The following NFIA variants were observed in gnomAD, a reference collection of about 807,000 sequenced individuals.
NFIA encodes the protein nuclear factor 1 A-type.
NFIA carries 8 observed loss-of-function variants against 62.8 expected under a neutral mutation model. The observed-to-expected ratio is 0.13, with a 90% confidence interval of 0.07 to 0.23. NFIA has a LOEUF of 0.23. Ranked by LOEUF, NFIA falls within the 10% of genes least tolerant of loss-of-function variation. NFIA has a pLI of 1.00. For missense variants in NFIA, 410 were observed against 642.1 expected (o/e 0.64, Z 3.91); for synonymous variants, 235 against 238.1 (o/e 0.99, Z 0.12).
At chr1:61,185,540 T>C (rs867720865) in intron 2 of NFIA, among the ~76,000 whole-genome samples, 2 of 152,308 alleles carry the variant, frequency 1.3e-5, no homozygotes, top group Middle Eastern at 3.4e-3. Flanking sequence ...TCCAATGTTT[T>C]CTTATGCATC....
intron 2 of NFIA, among the ~76,000 whole-genome samples, chr1:61,272,392 T>G (rs1408324251): frequency 6.6e-6 from 1 of 152,226 alleles, no homozygotes; most frequent in Non-Finnish European, 1.5e-5. Context: ...ATTTCTTTTA[T>G]AACTGCAGCT....
chr1:61,182,442 T>G (rs571569545), intron 2 of NFIA, among the ~76,000 whole-genome samples: 7 of 152,326 alleles, frequency 4.6e-5, no homozygotes, highest in African/African-American at 1.7e-4. Flanking sequence ...CAATTGAAAA[T>G]GAAATTGATG....
At chr1:61,212,560 G>T (rs1344620545) in intron 2 of NFIA, among the ~76,000 whole-genome samples, 1 of 152,124 alleles carries the variant, frequency 6.6e-6, no homozygotes, top group Non-Finnish European at 1.5e-5. Flanking sequence ...GAATTTTAAA[G>T]AAGCTCATTT....
chr1:61,085,185 G>A (rs1210415816), intron 1 of NFIA, among the ~76,000 whole-genome samples: 2 of 151,586 alleles, frequency 1.3e-5, no homozygotes, highest in Non-Finnish European at 2.9e-5. Flanking sequence ...TTAACTTGTA[G>A]GCAATTTAAA....
intron 2 of NFIA, among the ~76,000 whole-genome samples, chr1:61,098,388 A>G (rs1395211316): frequency 6.6e-6 from 1 of 152,216 alleles, no homozygotes; most frequent in Non-Finnish European, 1.5e-5. Context: ...TATGACTATG[A>G]CAAGATTTTT....
At chr1:61,155,716 C>G (rs923502209) in intron 2 of NFIA, among the ~76,000 whole-genome samples, 1 of 148,242 alleles carries the variant, frequency 6.7e-6, no homozygotes, top group African/African-American at 2.5e-5. Context: ...TGAAATTTTT[C>G]TCTTACATTT....
intron 3 of NFIA, among the ~76,000 whole-genome samples, chr1:61,304,915 T>C (rs1359941845): frequency 6.6e-6 from 1 of 152,168 alleles, no homozygotes; most frequent in Non-Finnish European, 1.5e-5. Context: ...GGAATAGTAA[T>C]AGTGCTTGTC....
chr1:61,181,691 C>CT (rs1650772659), intron 2 of NFIA, among the ~76,000 whole-genome samples: 1 of 152,026 alleles, frequency 6.6e-6, no homozygotes. Context: ...TGTGGAATGT[C>CT]TTGATAATTT....
At chr1:61,161,617 A>G (rs1649211870) in intron 2 of NFIA, among the ~76,000 whole-genome samples, 1 of 150,486 alleles carries the variant, frequency 6.6e-6, no homozygotes, top group East Asian at 2.0e-4. Flanking sequence ...ACACACACAC[A>G]CACGCAGACA....
chr1:61,171,612 C>A (rs541057856), intron 2 of NFIA, among the ~76,000 whole-genome samples: 1 of 152,254 alleles, frequency 6.6e-6, no homozygotes, highest in Admixed American at 6.5e-5. Context: ...GTAGGTCTTT[C>A]TTGAAGAAAT....
At chr1:61,170,652 A>G (rs1649899655) in intron 2 of NFIA, among the ~76,000 whole-genome samples, 1 of 152,180 alleles carries the variant, frequency 6.6e-6, no homozygotes, top group Non-Finnish European at 1.5e-5. Flanking sequence ...AAAGATAACT[A>G]TCAGTAACAT....
chr1:61,286,741 T>C (rs2100298428), intron 3 of NFIA, among the ~76,000 whole-genome samples: 1 of 152,262 alleles, frequency 6.6e-6, no homozygotes, highest in East Asian at 1.9e-4. Context: ...TCAAACATTA[T>C]AAAAGAAAAT....
chr1:61,202,857 A>G (rs1652601389), intron 2 of NFIA, among the ~76,000 whole-genome samples: 1 of 152,248 alleles, frequency 6.6e-6, no homozygotes, highest in Admixed American at 6.5e-5. Flanking sequence ...ATGTCACCAT[A>G]TGCTAACTAT....
At chr1:61,170,883 T>C (rs1649917695) in intron 2 of NFIA, among the ~76,000 whole-genome samples, 1 of 150,762 alleles carries the variant, frequency 6.6e-6, no homozygotes, top group South Asian at 2.1e-4. Context: ...TGTTGTTGTT[T>C]TAAACAGTAA....
chr1:61,166,104 A>C (rs572926884), intron 2 of NFIA, among the ~76,000 whole-genome samples: 1 of 152,312 alleles, frequency 6.6e-6, no homozygotes, highest in African/African-American at 2.4e-5. Context: ...ATGAAAATCT[A>C]CTTTATAGTA....
chr1:61,246,471 T>C (rs1655656875), intron 2 of NFIA, among the ~76,000 whole-genome samples: 1 of 152,176 alleles, frequency 6.6e-6, no homozygotes, highest in South Asian at 2.1e-4. Context: ...TATGGTTCTC[T>C]TTAGGCAGAA....
chr1:61,390,801 C>T (rs1458311903), intron 7 of NFIA, among the ~76,000 whole-genome samples: 2 of 152,168 alleles, frequency 1.3e-5, no homozygotes, highest in East Asian at 3.8e-4. Flanking sequence ...ACACCTTTAT[C>T]ATTTATCTCT....
Position 61,359,160 on chromosome 1 carries a change from C to A in NFIA, c.832C>A (p.Leu278Ile). Residue 278 changes from leucine to isoleucine, a missense_variant, in exon 6 of 11, where the codon CTC becomes ATC. This residue lies in a region of NFIA where 298 missense variants were observed against 438.1 expected (regional missense o/e 0.68). Transcript: ENST00000403491. ...STSSTSSTKR[L>I]KSVEDEMDSP... ...TTGTTATTTCAGCTCCACAAAGCGC[C>A]TCAAGTCTGTGGAGGATGAAATGGA... 2 of 1,613,386 alleles carry A rather than the reference C, an allele frequency of 1.2e-6. No homozygotes were observed. The highest frequency in any genetic ancestry group is 1.7e-6 in the Non-Finnish European group (2 of 1,179,936).
intron 2 of NFIA, among the ~76,000 whole-genome samples, chr1:61,117,404 A>T (rs998757816): frequency 6.6e-6 from 1 of 152,002 alleles, no homozygotes; most frequent in Non-Finnish European, 1.5e-5. Flanking sequence ...GGTGTCCCTA[A>T]TACCATTTTT....
Sources: allele counts gnomAD v4.1 joint callset (sites outside exome capture counted in the v4.1 genomes callset), GRCh38; gene constraint gnomAD v4.1.1; regional missense constraint gnomAD v4.1.1; transcripts MANE v1.5; gene names NCBI Gene and HGNC (gene_info 2026-07-23, HGNC 2026-07-21).